Variants in DNAH14 observed in about 807,000 individuals in gnomAD.
The protein encoded by DNAH14 is dynein axonemal heavy chain 14.
In DNAH14, 478 loss-of-function variants were observed where a neutral mutation model predicts 520.9. The ratio of observed to expected loss-of-function variants is 0.92; its 90% CI spans 0.85 to 0.99. The LOEUF is 0.99. Ranked by LOEUF, DNAH14 falls within the 50% of genes least tolerant of loss-of-function variation. The pLI, the probability that DNAH14 is intolerant of heterozygous loss-of-function variation, is 0.00. For synonymous variants in DNAH14, 1,581 were observed against 1,757.2 expected (o/e 0.90, Z 2.51); for missense variants, 4,831 against 5,234.5 (o/e 0.92, Z 2.38).
chr1:225,326,703 G>A (rs985996786), intron 64 of DNAH14, among the ~76,000 whole-genome samples: 3 of 151,934 alleles, frequency 2.0e-5, no homozygotes, highest in South Asian at 2.1e-4. Flanking sequence ...GAAAAACAGG[G>A]CATTCAAGAA....
At chr1:225,105,464 C>G (rs1056786119) in intron 23 of DNAH14, among the ~76,000 whole-genome samples, 5 of 152,150 alleles carry the variant, frequency 3.3e-5, no homozygotes, top group East Asian at 1.9e-4. Context: ...TCTTGTTGAT[C>G]TGTCTAATGT....
In DNAH14 at chr1:225,231,059, C is replaced by G. The variant is rs2091058171; in HGVS notation, c.6440-14C>G. The G allele has an allele frequency of 6.5e-7, 1 of 1,536,838 alleles. No homozygotes were observed. Among genetic ancestry groups the G allele is most frequent in the African/African-American group, 1.4e-5 (1 of 72,654 alleles). On this transcript the variant is annotated splice_polypyrimidine_tract_variant and intron_variant, in intron 41 of 85. Coordinates refer to ENST00000682510, the MANE Select transcript of DNAH14 (RefSeq NM_001367479.1). The stretch of plus-strand genomic sequence containing the variant: ...CTGTTGTTAATTATGGAAAAATACT[C>G]TTTCCTTTTTAAGGTGATGATTTGA...
At chr1:225,035,426 C>T (rs2066880766) in intron 11 of DNAH14, among the ~76,000 whole-genome samples, 1 of 151,858 alleles carries the variant, frequency 6.6e-6, no homozygotes, top group Non-Finnish European at 1.5e-5. Context: ...TTCTTTTCTT[C>T]TACTAACTTT....
chr1:225,014,243 C>T (rs540562363), intron 10 of DNAH14, among the ~76,000 whole-genome samples: 25 of 152,216 alleles, frequency 1.6e-4, no homozygotes, highest in Admixed American at 1.1e-3. Context: ...CTGGGTGAGG[C>T]GACGCCCCAC....
intron 81 of DNAH14, among the ~76,000 whole-genome samples, chr1:225,386,012 G>T (rs1359058569): frequency 6.6e-6 from 1 of 152,148 alleles, no homozygotes; most frequent in Admixed American, 6.5e-5. Flanking sequence ...AAACAGCGTG[G>T]TACTGGTACC....
intron 17 of DNAH14, among the ~76,000 whole-genome samples, chr1:225,064,931 T>G (rs1455584369): frequency 3.9e-5 from 6 of 152,016 alleles, no homozygotes; most frequent in Non-Finnish European, 8.8e-5. Flanking sequence ...ACAAATGATT[T>G]TTTTAAAAAC....
intron 26 of DNAH14, among the ~76,000 whole-genome samples, chr1:225,119,995 C>T (rs1206277059): frequency 3.9e-5 from 6 of 152,170 alleles, no homozygotes; most frequent in African/African-American, 1.4e-4. Context: ...GTGGGTTCAC[C>T]TTGCCTGCTG....
intron 23 of DNAH14, among the ~76,000 whole-genome samples, chr1:225,110,558 T>C (rs2076403373): frequency 8.3e-6 from 1 of 120,530 alleles, no homozygotes; most frequent in Non-Finnish European, 1.5e-5. Context: ...TATTTGGGTC[T>C]TCTTTCTTTT....
chr1:225,152,583 A>G, intron 32 of DNAH14, 114 bp from the exon 33 acceptor site: 3 of 972,394 alleles, frequency 3.1e-6, no homozygotes, highest in Non-Finnish European at 4.4e-6. Flanking sequence ...ACTAATTTTC[A>G]GATAAAGGTC....
chr1:225,056,301 T>C (rs2069087353), intron 17 of DNAH14, among the ~76,000 whole-genome samples: 1 of 152,238 alleles, frequency 6.6e-6, no homozygotes, highest in African/African-American at 2.4e-5. Flanking sequence ...GATGAGCATT[T>C]TTTCATGTCT....
chr1:225,224,159 C>G (rs1371955063), intron 41 of DNAH14, among the ~76,000 whole-genome samples: 1 of 152,028 alleles, frequency 6.6e-6, no homozygotes, highest in East Asian at 1.9e-4. Context: ...TTGGGCATAA[C>G]TACTGATAAG....
intron 8 of DNAH14, among the ~76,000 whole-genome samples, chr1:224,997,055 A>G (rs895830783): frequency 2.6e-5 from 4 of 152,018 alleles, no homozygotes; most frequent in African/African-American, 4.8e-5. Context: ...GTGACCAGCT[A>G]GGATTTGTGA....
chr1:225,033,471 G>T (rs921652879), intron 11 of DNAH14, among the ~76,000 whole-genome samples: 2 of 152,054 alleles, frequency 1.3e-5, no homozygotes, highest in Non-Finnish European at 2.9e-5. Flanking sequence ...TTCTCTTTTG[G>T]TCACTGTAGC....
At chr1:225,006,804 C>T (rs1444021697) in intron 9 of DNAH14, among the ~76,000 whole-genome samples, 1 of 152,136 alleles carries the variant, frequency 6.6e-6, no homozygotes, top group African/African-American at 2.4e-5. Context: ...AGCATGTGAT[C>T]TCTGTGACCC....
At chr1:225,184,963 G>A (rs954427957) in intron 36 of DNAH14, among the ~76,000 whole-genome samples, 1 of 151,932 alleles carries the variant, frequency 6.6e-6, no homozygotes, top group Admixed American at 6.6e-5. Context: ...AGGAAAAGAG[G>A]AAGTTAAATT....
At chr1:225,177,577 G>T (rs940891713) in intron 36 of DNAH14, among the ~76,000 whole-genome samples, 2 of 152,056 alleles carry the variant, frequency 1.3e-5, no homozygotes, top group African/African-American at 4.8e-5. Flanking sequence ...CCAAACCCAG[G>T]GTCTCTGTGC....
chr1:225,336,093 T>G (rs949817908), intron 66 of DNAH14, among the ~76,000 whole-genome samples: 5 of 147,830 alleles, frequency 3.4e-5, no homozygotes, highest in Admixed American at 6.8e-5. Context: ...ACATATATGC[T>G]TATACATATA....
intron 25 of DNAH14, among the ~76,000 whole-genome samples, chr1:225,118,814 T>C (rs1842331): frequency 0.2 from 29,544 of 145,360 alleles, 6,029 homozygotes; most frequent in African/African-American, 0.52. Context: ...ACCCAGGAGG[T>C]GGAGGTTGCA....
At chr1:225,354,167 T>A in intron 73 of DNAH14, 1 of 702,298 alleles carries the variant, frequency 1.4e-6, no homozygotes. Context: ...TTTGTCTGCC[T>A]ATAAAGAACA....
Sources: gnomAD v4.1 joint callset for allele counts (sites outside exome capture counted in the v4.1 genomes callset) on GRCh38, gnomAD v4.1.1 for gene constraint, MANE v1.5 for transcripts, NCBI Gene and HGNC (gene_info 2026-07-23, HGNC 2026-07-21) for gene names.